Variants in SPATA6 observed in about 807,000 individuals in gnomAD.
SPATA6 encodes spermatogenesis associated 6, also known as spermatogenesis-associated protein 6.
SPATA6 carries 56 observed loss-of-function variants against 65.3 expected under a neutral mutation model. That is an observed-to-expected ratio of 0.86 (90% CI 0.69 to 1.07). SPATA6 has a LOEUF of 1.07. Ranked by LOEUF, SPATA6 falls within the 50% of genes least tolerant of loss-of-function variation. The pLI, the probability that SPATA6 is intolerant of heterozygous loss-of-function variation, is 0.00. For missense variants in SPATA6, 590 were observed against 594.8 expected, an observed-to-expected ratio of 0.99 and a Z score of 0.08; for synonymous variants, 199 against 213.2, an observed-to-expected ratio of 0.93 and a Z score of 0.58.
intron 3 of SPATA6, among the ~76,000 whole-genome samples, chr1:48,430,836 AAAG>A (rs1654331402): frequency 6.6e-6 from 1 of 152,188 alleles, no homozygotes; most frequent in African/African-American, 2.4e-5. Flanking sequence ...ACTAAACACA[AAAG>A]AAGACAGTAA....
chr1:48,334,100 C>G (rs1645992547), intron 11 of SPATA6, among the ~76,000 whole-genome samples: 1 of 152,004 alleles, frequency 6.6e-6, no homozygotes, highest in Non-Finnish European at 1.5e-5. Context: ...AATCTGTGAA[C>G]AGACCAATAA....
chr1:48,416,437 A>G (rs1164181048), intron 3 of SPATA6, among the ~76,000 whole-genome samples: 4 of 152,288 alleles, frequency 2.6e-5, no homozygotes, highest in Non-Finnish European at 5.9e-5. Flanking sequence ...TTTACATAAC[A>G]TATAGGAAAA....
intron 11 of SPATA6, among the ~76,000 whole-genome samples, chr1:48,314,463 G>A (rs1249185780): frequency 3.3e-5 from 5 of 152,128 alleles, no homozygotes; most frequent in African/African-American, 7.2e-5. Flanking sequence ...ATGAAATGAA[G>A]GCAGAAATAA....
intron 3 of SPATA6, among the ~76,000 whole-genome samples, chr1:48,433,399 G>A (rs140707693): frequency 9.3e-4 from 142 of 152,220 alleles, no homozygotes; most frequent in African/African-American, 3.3e-3. Context: ...TTAAGTTAAT[G>A]TAAACTACAT....
intron 3 of SPATA6, among the ~76,000 whole-genome samples, chr1:48,435,656 T>C (rs1654848109): frequency 6.6e-6 from 1 of 152,098 alleles, no homozygotes; most frequent in Admixed American, 6.5e-5. Flanking sequence ...TGGGTCTAGC[T>C]AAAGGATCGT....
At chr1:48,471,692 A>G (rs1658263472) in intron 1 of SPATA6, among the ~76,000 whole-genome samples, 1 of 152,164 alleles carries the variant, frequency 6.6e-6, no homozygotes. Context: ...AGAACTCTGA[A>G]GTGATTTGGG....
At chr1:48,450,257 A>C (rs552025798) in intron 3 of SPATA6, among the ~76,000 whole-genome samples, 1 of 151,992 alleles carries the variant, frequency 6.6e-6, no homozygotes, top group East Asian at 1.9e-4. Context: ...GTGAAATATT[A>C]ATATTTGAAG....
In SPATA6 at chr1:48,415,341, A is replaced by G. The variant is rs1652660976; in HGVS notation, c.239-2190T>C. ...AGATTTTTGTAGAGTCTTTTATGAT[A>G]GTTTTGTTATCAGGCATATAAGTGT... is the stretch of plus-strand genomic sequence containing the variant. On this transcript the variant is annotated intron_variant, in intron 3 of 12. Transcript: ENST00000371847. Among the ~76,000 whole-genome samples, 4 of 152,168 alleles carry G rather than the reference A, an allele frequency of 2.6e-5. No homozygotes were observed. The South Asian group carries it at 8.3e-4, about 32-fold the overall frequency.
chr1:48,468,427 T>G (rs2148207207), intron 1 of SPATA6, among the ~76,000 whole-genome samples: 1 of 152,348 alleles, frequency 6.6e-6, no homozygotes, highest in African/African-American at 2.4e-5. Context: ...AATATATTTA[T>G]CCATTCTTTT....
intron 9 of SPATA6, 46 bp downstream of exon 9, chr1:48,385,263 G>C: frequency 6.5e-7 from 1 of 1,532,472 alleles, no homozygotes; most frequent in Non-Finnish European, 8.8e-7. Context: ...TCATGTTGTT[G>C]TCTGAAAGCC....
chr1:48,392,113 T>C (rs1650132811), intron 8 of SPATA6, among the ~76,000 whole-genome samples: 1 of 152,166 alleles, frequency 6.6e-6, no homozygotes. Context: ...TGTTGTCTAC[T>C]CAAGATATGA....
the SPATA6 span, among the ~76,000 whole-genome samples, chr1:48,284,632 G>A: frequency 6.6e-6 from 1 of 152,172 alleles, no homozygotes; most frequent in Admixed American, 6.5e-5. Flanking sequence ...CATCCTTTTT[G>A]TTGATGGTGA....
At chr1:48,418,910 AGGAAAG>A (rs1029840498) in intron 3 of SPATA6, among the ~76,000 whole-genome samples, 2 of 150,898 alleles carry the variant, frequency 1.3e-5, no homozygotes, top group Non-Finnish European at 2.9e-5. Context: ...AAGGAGAAAG[AGGAAAG>A]GGAAAGGGAA....
intron 11 of SPATA6, among the ~76,000 whole-genome samples, chr1:48,313,390 C>A (rs1645288882): frequency 6.6e-6 from 1 of 152,264 alleles, no homozygotes; most frequent in South Asian, 2.1e-4. Flanking sequence ...GGCCAATATT[C>A]AACATTCTTA....
intron 3 of SPATA6, chr1:48,436,127 A>C: frequency 6.2e-7 from 1 of 1,610,232 alleles, no homozygotes. Context: ...TGTTCCACCA[A>C]CGTTTCTCAC....
intron 5 of SPATA6, among the ~76,000 whole-genome samples, chr1:48,406,130 A>G (rs1570470053): frequency 6.6e-6 from 1 of 152,072 alleles, no homozygotes; most frequent in East Asian, 1.9e-4. Flanking sequence ...GACAATCACT[A>G]TAGACATTCC....
the SPATA6 span, chr1:48,262,995 A>G: frequency 6.6e-6 from 1 of 152,158 alleles, no homozygotes; most frequent in Non-Finnish European, 1.5e-5. Flanking sequence ...GTTTCAAGAC[A>G]AGAAAAAATT....
At position 48,399,539 on chromosome 1, in the gene SPATA6, T is replaced by TATACACAC; in HGVS notation, c.591_592insGTGTGTAT (p.Lys198ValfsTer7). On this transcript the variant is annotated frameshift_variant, in exon 7 of 13. Coordinates refer to ENST00000371847, the MANE Select transcript of SPATA6 (RefSeq NM_019073.4). LOFTEE classifies it high-confidence loss of function. ...TAGTTTTTTGCATTTATACAGTATT[T>TATACACAC]ACTTCTCTCAGGTGACTTGGATTTT... 3 of 1,613,118 alleles carry TATACACAC rather than the reference T, an allele frequency of 1.9e-6. No homozygotes were observed. The highest frequency in any genetic ancestry group is 1.7e-6 in the Non-Finnish European group (2 of 1,179,428).
chr1:48,325,316 T>G, intron 11 of SPATA6: 1 of 1,205,366 alleles, frequency 8.3e-7, no homozygotes, highest in East Asian at 2.3e-5. Flanking sequence ...CTTCACTGTG[T>G]GTAGGGCACA....
Sources: allele counts gnomAD v4.1 joint callset (sites outside exome capture counted in the v4.1 genomes callset), GRCh38; gene constraint gnomAD v4.1.1; transcripts MANE v1.5; gene names NCBI Gene and HGNC (gene_info 2026-07-23, HGNC 2026-07-21).